SEM1: variants seen among roughly 807,000 people sequenced by gnomAD.
SEM1 encodes the protein SEM1 26S proteasome subunit, also known as 26S proteasome complex subunit SEM1.
SEM1 carries 3 observed loss-of-function variants against 12.7 expected under a neutral mutation model. The observed-to-expected ratio is 0.24, with a 90% CI of 0.11 to 0.61. SEM1 has a LOEUF of 0.61. Ranked by LOEUF, SEM1 falls within the 20% of genes least tolerant of loss-of-function variation. SEM1 has a pLI of 0.88. For synonymous variants in SEM1, 30 were observed against 27.8 expected (o/e 1.08, Z -0.25); for missense variants, 59 against 81.3 (o/e 0.73, Z 1.06).
At chr7:96,510,376 T>C in intron 2 of SEM1, among the ~76,000 whole-genome samples, 1 of 152,150 alleles carries the variant, frequency 6.6e-6, no homozygotes, top group Admixed American at 6.6e-5. Context: ...CTTATTGCTC[T>C]TAGGCTACAA....
intron 1 of SEM1, among the ~76,000 whole-genome samples, chr7:96,495,069 CAAGAGGGA>C (rs1204646582): frequency 2.2e-5 from 3 of 138,478 alleles, no homozygotes; most frequent in African/African-American, 8.2e-5. Flanking sequence ...GAAGAGAGAG[CAAGAGGGA>C]AAGAGAGAGG....
downstream of SEM1, among the ~76,000 whole-genome samples, chr7:96,685,006 G>A (rs1402927376): frequency 1.6e-4 from 24 of 152,082 alleles, no homozygotes; most frequent in Admixed American, 1.6e-3. Flanking sequence ...CATGTGTATG[G>A]GTGGAATGAG....
intron 2 of SEM1, among the ~76,000 whole-genome samples, chr7:96,515,998 A>C (rs1804084387): frequency 6.6e-6 from 1 of 152,148 alleles, no homozygotes; most frequent in African/African-American, 2.4e-5. Context: ...CATGTTGTGC[A>C]CATGTACCCT....
At chr7:96,546,584 G>C (rs1350100838) in intron 2 of SEM1, among the ~76,000 whole-genome samples, 1 of 152,090 alleles carries the variant, frequency 6.6e-6, no homozygotes, top group Non-Finnish European at 1.5e-5. Context: ...TTGAGCAGGA[G>C]AAAGAAGGAT....
intron 2 of SEM1, among the ~76,000 whole-genome samples, chr7:96,667,587 C>T (rs180901387): frequency 3.3e-5 from 5 of 152,136 alleles, no homozygotes; most frequent in Non-Finnish European, 5.9e-5. Context: ...TGAATGTCAC[C>T]GCTGGAGGTT....
At chr7:96,568,507 G>C (rs1259858105) in intron 2 of SEM1, among the ~76,000 whole-genome samples, 1 of 151,626 alleles carries the variant, frequency 6.6e-6, no homozygotes, top group African/African-American at 2.4e-5. Context: ...ATTTCCTCAA[G>C]TTTATTTTAT....
intron 2 of SEM1, among the ~76,000 whole-genome samples, chr7:96,607,911 A>G (rs1807433628): frequency 6.6e-6 from 1 of 152,192 alleles, no homozygotes; most frequent in East Asian, 1.9e-4. Flanking sequence ...GTCTGCCTGG[A>G]TCAGACATCT....
At chr7:96,658,971 A>G (rs371577609) in intron 2 of SEM1, among the ~76,000 whole-genome samples, 2 of 152,246 alleles carry the variant, frequency 1.3e-5, no homozygotes, top group East Asian at 1.9e-4. Flanking sequence ...CAAAGGTACC[A>G]TATGATCTAG....
intron 2 of SEM1, chr7:96,647,414 C>T (rs576705542): frequency 1.3e-5 from 2 of 152,198 alleles, no homozygotes; most frequent in African/African-American, 2.4e-5. Context: ...GAAAATATAT[C>T]CAGCAAATAG....
downstream of SEM1, among the ~76,000 whole-genome samples, chr7:96,671,056 T>G (rs1270589489): frequency 1.3e-5 from 2 of 152,160 alleles, no homozygotes; most frequent in African/African-American, 2.4e-5. Context: ...GCACGACATT[T>G]TGGGAATAAT....
chr7:96,562,353 C>G (rs1482392675), intron 2 of SEM1, among the ~76,000 whole-genome samples: 1 of 151,996 alleles, frequency 6.6e-6, no homozygotes, highest in East Asian at 1.9e-4. Context: ...TTGTGACTGT[C>G]TAATATAAAA....
intron 2 of SEM1, among the ~76,000 whole-genome samples, chr7:96,573,609 C>A (rs926875641): frequency 6.6e-6 from 1 of 152,250 alleles, no homozygotes; most frequent in Admixed American, 6.5e-5. Flanking sequence ...TCTCTTCTAC[C>A]TTTTAGGGTT....
At chr7:96,618,985 T>G (rs1214368020), downstream of SEM1, among the ~76,000 whole-genome samples, 4 of 152,212 alleles carry the variant, frequency 2.6e-5, no homozygotes, top group Non-Finnish European at 5.9e-5. Flanking sequence ...TGTAAATTTT[T>G]CATTCATATA....
intron 2 of SEM1, among the ~76,000 whole-genome samples, chr7:96,513,721 C>T (rs1051287585): frequency 3.3e-5 from 5 of 151,876 alleles, no homozygotes; most frequent in East Asian, 1.9e-4. Flanking sequence ...CCCAGTTACT[C>T]GGGAGGCTGA....
At chr7:96,655,277 TAGAA>T (rs1263482726) in intron 2 of SEM1, among the ~76,000 whole-genome samples, 1 of 151,574 alleles carries the variant, frequency 6.6e-6, no homozygotes. Flanking sequence ...ACAGAGAAAA[TAGAA>T]AGGCATCAAG....
intron 2 of SEM1, among the ~76,000 whole-genome samples, chr7:96,553,270 A>G (rs1805356018): frequency 6.6e-6 from 1 of 151,624 alleles, no homozygotes; most frequent in South Asian, 2.1e-4. Flanking sequence ...GTCCTTGCCC[A>G]TGCCTATGTC....
At chr7:96,627,079 A>G (rs1808095020) in intron 2 of SEM1, among the ~76,000 whole-genome samples, 1 of 151,774 alleles carries the variant, frequency 6.6e-6, no homozygotes, top group Admixed American at 6.6e-5. Flanking sequence ...GCATCTAATG[A>G]TCCTGTGAAT....
At chr7:96,599,316 G>A (rs1204632578) in intron 2 of SEM1, among the ~76,000 whole-genome samples, 1 of 152,090 alleles carries the variant, frequency 6.6e-6, no homozygotes, top group Non-Finnish European at 1.5e-5. Flanking sequence ...TGCAGAAACT[G>A]AAGGGACAGA....
chr7:96,566,218 G>C (rs1805839911), intron 2 of SEM1, among the ~76,000 whole-genome samples: 1 of 151,486 alleles, frequency 6.6e-6, no homozygotes, highest in Admixed American at 6.6e-5. Flanking sequence ...CTTGTTCCCT[G>C]GTTACCTTAC....
Sources: allele counts gnomAD v4.1 joint callset (sites outside exome capture counted in the v4.1 genomes callset), GRCh38; gene constraint gnomAD v4.1.1; transcripts MANE v1.5; gene names NCBI Gene and HGNC (gene_info 2026-07-23, HGNC 2026-07-21).